The following KIAA1328 variants were observed in gnomAD, a reference collection of about 807,000 sequenced individuals.
The protein encoded by KIAA1328 is protein hinderin.
A neutral mutation model predicts 68.1 loss-of-function variants in KIAA1328; 52 were observed. The ratio of observed to expected loss-of-function variants is 0.76; its 90% CI spans 0.61 to 0.96. The LOEUF (loss-of-function observed/expected upper bound fraction) is 0.96, where lower values mean the gene tolerates loss of function less well. Ranked by LOEUF, KIAA1328 falls within the 40% of genes least tolerant of loss-of-function variation. The pLI is 0.00. For synonymous variants in KIAA1328, 232 were observed against 239.4 expected (o/e 0.97, Z 0.28); for missense variants, 641 against 677.6 (o/e 0.95, Z 0.60).
chr18:36,880,307 G>A (rs996173258), intron 4 of KIAA1328, among the ~76,000 whole-genome samples: 7 of 152,076 alleles, frequency 4.6e-5, no homozygotes, highest in African/African-American at 1.7e-4. Context: ...TTGCGCTTCC[G>A]GGGTAAGGTA....
chr18:36,829,127 G>A lies in KIAA1328; in HGVS notation c.-12G>A, dbSNP rs1161552755. ...GCCCAGGCGCGACGCCCCGAGTGGC[G>A]GTTGTTTCAAGATGGCGGACGTGGC... is the stretch of plus-strand genomic sequence containing the variant. On this transcript the variant is annotated 5_prime_UTR_variant, in exon 1 of 10. Transcript: ENST00000280020. The A allele has an allele frequency of 5.2e-6, 8 of 1,532,396 alleles. No individual in the cohort carries two copies. Among genetic ancestry groups the A allele is most frequent in the South Asian group, 1.2e-5 (1 of 82,450 alleles). 94.9% of individuals were successfully genotyped at this position (1,532,396 alleles called of 1,614,324 possible). A position where few individuals can be genotyped will look rare whatever the true frequency, so the allele number is the denominator to read the frequency against.
intron 7 of KIAA1328, among the ~76,000 whole-genome samples, chr18:37,119,941 T>C (rs932756754): frequency 2.6e-5 from 4 of 152,020 alleles, no homozygotes; most frequent in Admixed American, 6.6e-5. Flanking sequence ...ATTGTAGGGA[T>C]GGGGCAAAGA....
intron 6 of KIAA1328, among the ~76,000 whole-genome samples, chr18:37,048,592 A>G (rs1208290709): frequency 1.6e-5 from 1 of 63,192 alleles, no homozygotes; most frequent in African/African-American, 3.0e-5. Context: ...AGGCAATATA[A>G]TAATGGTGCT....
At chr18:37,025,355 G>A (rs904054590) in intron 6 of KIAA1328, among the ~76,000 whole-genome samples, 1 of 152,096 alleles carries the variant, frequency 6.6e-6, no homozygotes, top group Admixed American at 6.6e-5. Context: ...CTTGAACTCA[G>A]CTCTGCACCA....
At chr18:37,123,188 A>C (rs1361584992) in intron 7 of KIAA1328, among the ~76,000 whole-genome samples, 1 of 152,202 alleles carries the variant, frequency 6.6e-6, no homozygotes, top group Non-Finnish European at 1.5e-5. Flanking sequence ...AGAGCATTTC[A>C]GCAAAATCAA....
chr18:36,937,512 A>G (rs1369904031), intron 5 of KIAA1328, among the ~76,000 whole-genome samples: 1 of 152,206 alleles, frequency 6.6e-6, no homozygotes, highest in Non-Finnish European at 1.5e-5. Flanking sequence ...CAAATTTACA[A>G]GAAAAAAATC....
intron 4 of KIAA1328, among the ~76,000 whole-genome samples, chr18:36,844,909 T>A (rs1428325489): frequency 1.3e-5 from 2 of 151,860 alleles, no homozygotes; most frequent in Admixed American, 6.6e-5. Context: ...GAATATAAAT[T>A]GTAAAAGTTA....
At chr18:36,888,887 TA>T (rs1473558181) in intron 5 of KIAA1328, among the ~76,000 whole-genome samples, 38 of 152,334 alleles carry the variant, frequency 2.5e-4, no homozygotes, top group African/African-American at 8.2e-4. Context: ...CAGATCATTT[TA>T]AAATCTGTTT....
At position 36,844,079 on chromosome 18, in the gene KIAA1328, A is replaced by G. The variant is rs568591433; in HGVS notation, c.238-129A>G. Reference sequence around the variant, plus strand: ...TGTTTTTAGTTCACAGTAGGTTTAAATTGAAACAGGTAGATAGTGTTGCAC... The same window carrying G: ...TGTTTTTAGTTCACAGTAGGTTTAAGTTGAAACAGGTAGATAGTGTTGCAC... On this transcript the variant is annotated intron_variant, in intron 3 of 9. Transcript: ENST00000280020. 3.6e-5 allele frequency: 21 copies of G among 580,890 alleles called. No homozygotes were observed. In the Admixed American group the frequency reaches 4.0e-4, roughly 11 times the overall value. The allele number at this position is 580,890 out of a possible 1,614,324, so 36.0% of individuals were successfully genotyped here. A position where few individuals can be genotyped will look rare whatever the true frequency, so the allele number is the denominator to read the frequency against.
rs148393348 is a variant in KIAA1328 at position 37,098,498 on chromosome 18, G to A, written c.1232+30953G>A. Among the ~76,000 whole-genome samples, 1,375 of 152,194 alleles carry A rather than the reference G, an allele frequency of 9.0e-3. 22 individuals are homozygous for A. Among genetic ancestry groups the A allele is most frequent in the African/African-American group, 0.031 (1,280 of 41,508 alleles). On this transcript the variant is annotated intron_variant, in intron 7 of 9. Coordinates refer to ENST00000280020, the MANE Select transcript of KIAA1328 (RefSeq NM_020776.3). Reference sequence around the variant, plus strand: ...TGCCAGTATTTTATTGAGGATTTTTGCATTGATGTTCATGAGGTATATTGG... The same window carrying A: ...TGCCAGTATTTTATTGAGGATTTTTACATTGATGTTCATGAGGTATATTGG...
chr18:37,106,887 C>T (rs750338179), intron 7 of KIAA1328, among the ~76,000 whole-genome samples: 1 of 152,122 alleles, frequency 6.6e-6, no homozygotes, highest in Non-Finnish European at 1.5e-5. Flanking sequence ...AAGCTTTTCC[C>T]CTTTTCTCCT....
In KIAA1328 at chr18:36,835,394, C is replaced by A; in HGVS notation, c.237+18C>A. On this transcript the variant is annotated intron_variant, in intron 3 of 9. Coordinates refer to ENST00000280020, the MANE Select transcript of KIAA1328 (RefSeq NM_020776.3). The stretch of plus-strand genomic sequence containing the variant: ...ATGAACAGGTTAGTATTTTTTTCGT[C>A]TTTTTTTTTCCTTGCTCTCCAGTCT... The A allele has an allele frequency of 6.3e-7, 1 of 1,580,052 alleles. No individual in the cohort carries two copies. The highest frequency in any genetic ancestry group is 1.8e-5 in the Admixed American group (1 of 56,250).
At chr18:36,874,007 G>T (rs1211785048) in intron 4 of KIAA1328, among the ~76,000 whole-genome samples, 3 of 152,206 alleles carry the variant, frequency 2.0e-5, no homozygotes, top group Middle Eastern at 3.2e-3. Flanking sequence ...TCCCTGCAAA[G>T]GGCATGAACT....
chr18:37,092,626 C>CA (rs1491187154), intron 7 of KIAA1328, among the ~76,000 whole-genome samples: 2 of 152,040 alleles, frequency 1.3e-5, no homozygotes, highest in Non-Finnish European at 2.9e-5. Flanking sequence ...TACTGTCACT[C>CA]ACAAATGTCA....
Position 37,224,748 on chromosome 18 carries a change from C to T in KIAA1328, c.*2521C>T. On this transcript the variant is annotated 3_prime_UTR_variant, in exon 10 of 10. Coordinates refer to ENST00000280020, the MANE Select transcript of KIAA1328 (RefSeq NM_020776.3). ...CTTGACTGGTTGGGATTTGCTCGTC[C>T]AGCCTCTAGACACTTCCCAAAGCAA... The T allele has an allele frequency of 1.0e-6, 1 of 985,386 alleles. No homozygotes were observed. The highest frequency in any genetic ancestry group is 1.2e-6 in the Non-Finnish European group (1 of 829,934). 61.0% of individuals were successfully genotyped at this position (985,386 alleles called of 1,614,324 possible).
chr18:36,864,299 T>C (rs1392165413), intron 4 of KIAA1328, among the ~76,000 whole-genome samples: 7 of 150,334 alleles, frequency 4.7e-5, no homozygotes, highest in African/African-American at 1.7e-4. Flanking sequence ...TCACTTGTTA[T>C]AATTGTTTTT....
intron 6 of KIAA1328, among the ~76,000 whole-genome samples, chr18:36,978,694 A>G (rs774703742): frequency 4.1e-4 from 63 of 152,230 alleles, no homozygotes; most frequent in South Asian, 8.3e-4. Flanking sequence ...GTGGCCATTT[A>G]TATTTCTTGT....
chr18:36,975,525 G>C (rs2052436620), intron 6 of KIAA1328, among the ~76,000 whole-genome samples: 1 of 152,082 alleles, frequency 6.6e-6, no homozygotes, highest in African/African-American at 2.4e-5. Context: ...TTTTGGATGG[G>C]AATACTGACA....
At chr18:37,017,460 A>T (rs927278696) in intron 6 of KIAA1328, among the ~76,000 whole-genome samples, 1 of 152,032 alleles carries the variant, frequency 6.6e-6, no homozygotes, top group African/African-American at 2.4e-5. Flanking sequence ...CATGTACTCT[A>T]TAGATTTTTA....
Sources: allele counts gnomAD v4.1 joint callset (sites outside exome capture counted in the v4.1 genomes callset), GRCh38; gene constraint gnomAD v4.1.1; transcripts MANE v1.5; gene names NCBI Gene and HGNC (gene_info 2026-07-23, HGNC 2026-07-21).